Variants in RGS3 observed in about 807,000 individuals in gnomAD.
The protein encoded by RGS3 is regulator of G-protein signalling 3.
Under a neutral mutation model 132.6 loss-of-function variants are expected in RGS3, and 80 were observed. The ratio of observed to expected loss-of-function variants is 0.60; its 90% CI spans 0.50 to 0.73. The LOEUF is 0.73. RGS3 is among the 30% of genes least tolerant of loss of function. RGS3 has a pLI of 0.00. For missense variants in RGS3, 1,382 were observed against 1,530.8 expected (o/e 0.90, Z 1.62); for synonymous variants, 598 against 620.6 (o/e 0.96, Z 0.54).
intron 7 of RGS3, among the ~76,000 whole-genome samples, chr9:113,487,257 G>C (rs530662850): frequency 6.6e-6 from 1 of 151,158 alleles, no homozygotes; most frequent in East Asian, 1.9e-4. Context: ...GACTACAGGC[G>C]CCCGCCACCG....
chr9:113,580,871 G>A (rs755070877), intron 19 of RGS3: 9 of 985,530 alleles, frequency 9.1e-6, no homozygotes, highest in African/African-American at 1.7e-5. Context: ...GACAGGCCTG[G>A]GCCCCACCCT....
chr9:113,509,612 C>T (rs1160541125), intron 14 of RGS3, among the ~76,000 whole-genome samples: 2 of 152,224 alleles, frequency 1.3e-5, no homozygotes, highest in East Asian at 1.9e-4. Flanking sequence ...AGATCCTTCG[C>T]GTGCCTGCCA....
At chr9:113,576,596 C>T (rs952312644) in intron 19 of RGS3, among the ~76,000 whole-genome samples, 2 of 152,170 alleles carry the variant, frequency 1.3e-5, no homozygotes, top group Admixed American at 6.5e-5. Context: ...TCCCAAAGTG[C>T]TGGGATTACA....
At chr9:113,560,322 C>T (rs879543155) in intron 19 of RGS3, among the ~76,000 whole-genome samples, 2 of 152,174 alleles carry the variant, frequency 1.3e-5, no homozygotes, top group African/African-American at 2.4e-5. Flanking sequence ...GAACTTGAAC[C>T]TGAGGATACC....
rs1180315044 is a variant in RGS3 at position 113,484,153 on chromosome 9, GAAGATAGTAGACTA to G, written c.542_555del (p.Glu181AlafsTer29). 1 of 1,609,752 alleles carries G rather than the reference GAAGATAGTAGACTA, an allele frequency of 6.2e-7. No individual in the cohort carries two copies. On this transcript the variant is annotated frameshift_variant, in exon 6 of 25. Coordinates refer to ENST00000350696, the Ensembl canonical transcript of RGS3. LOFTEE classifies it high-confidence loss of function. ...CCAATTCAAGATTTCTTTGATCCCT[GAAGATAGTAGACTA>G]CGCCACCAGAAGACGCAGACCGTTC...
At position 113,537,944 on chromosome 9, in the gene RGS3, G is replaced by A. The variant is rs1046529601; in HGVS notation, c.2037+1026G>A. On this transcript the variant is annotated intron_variant, in intron 19 of 24. Coordinates refer to ENST00000350696, the Ensembl canonical transcript of RGS3. This position sits in a 1 kb window ranked among gnomAD's most constrained non-coding sequence, Gnocchi z 4.3. ...GAATTACATCATCTTAGCTGTGAAC[G>A]TTCTCTTGTTTTACACTAGCTAGTG... Among the ~76,000 whole-genome samples the A allele has an allele frequency of 5.9e-5, 9 of 152,180 alleles. No homozygotes were observed. The highest frequency in any genetic ancestry group is 1.4e-4 in the African/African-American group (6 of 41,434).
At chr9:113,544,536 C>G (rs1039321887) in intron 19 of RGS3, among the ~76,000 whole-genome samples, 1 of 152,176 alleles carries the variant, frequency 6.6e-6, no homozygotes, top group Non-Finnish European at 1.5e-5. Flanking sequence ...ACACATGGCA[C>G]CAAGGCACCA....
At chr9:113,563,411 C>T (rs1471682690) in intron 19 of RGS3, among the ~76,000 whole-genome samples, 2 of 152,256 alleles carry the variant, frequency 1.3e-5, no homozygotes, top group Non-Finnish European at 1.5e-5. Context: ...AGCTGAAGCT[C>T]GAGGGCACCT....
intron 14 of RGS3, among the ~76,000 whole-genome samples, chr9:113,512,503 C>CTT (rs1460837068): frequency 6.6e-6 from 1 of 151,736 alleles, no homozygotes; most frequent in African/African-American, 2.4e-5. Context: ...CGGGGGGAGT[C>CTT]AACTTGTTTT....
chr9:113,481,678 T>C (rs1048313336), intron 4 of RGS3, among the ~76,000 whole-genome samples: 1 of 152,250 alleles, frequency 6.6e-6, no homozygotes, highest in African/African-American at 2.4e-5. Context: ...TCCCCACTCC[T>C]TCCATTGGTT....
At chr9:113,488,537 C>T (rs762964489) in intron 7 of RGS3, among the ~76,000 whole-genome samples, 15 of 152,312 alleles carry the variant, frequency 9.8e-5, no homozygotes, top group Middle Eastern at 3.4e-3. Flanking sequence ...GGCATATGGA[C>T]GCCCAGAAAG....
chr9:113,584,291 C>G, exon 20 of RGS3: 1 of 1,610,244 alleles, frequency 6.2e-7, no homozygotes, highest in Non-Finnish European at 8.5e-7. Context: ...GCCTCCGACA[C>G]CACCTTGCAC....
At position 113,591,448 on chromosome 9, in the gene RGS3, A is replaced by G. The variant is rs1486935274; in HGVS notation, c.3080+51A>G. Reference sequence around the variant, plus strand: ...TGCGCTCCTCTTCCTCCCTTGCCCCAGGGCTTGTCTCTCCTCTAGGGGTCC... The same window carrying G: ...TGCGCTCCTCTTCCTCCCTTGCCCCGGGGCTTGTCTCTCCTCTAGGGGTCC... On this transcript the variant is annotated intron_variant, in intron 21 of 24. Coordinates refer to ENST00000350696, the Ensembl canonical transcript of RGS3. This position sits in a 1 kb window ranked among gnomAD's most constrained non-coding sequence, Gnocchi z 4.4. 6.5e-7 allele frequency: 1 copy of G among 1,529,996 alleles called. No homozygotes were observed. 94.8% of individuals were successfully genotyped at this position (1,529,996 alleles called of 1,614,324 possible).
At chr9:113,593,902 CACT>C (rs768032862) in intron 21 of RGS3, 2 of 1,587,928 alleles carry the variant, frequency 1.3e-6, no homozygotes, top group South Asian at 1.1e-5. Context: ...CACCCCCCAC[CACT>C]GTCTCCCTGC....
intron 1 of RGS3, among the ~76,000 whole-genome samples, chr9:113,460,695 T>C (rs760310857): frequency 8.5e-5 from 13 of 152,216 alleles, no homozygotes; most frequent in Non-Finnish European, 1.9e-4. Flanking sequence ...TTATATTATT[T>C]AACACCATTT....
chr9:113,481,562 G>A (rs1830159385), intron 4 of RGS3, among the ~76,000 whole-genome samples: 1 of 152,216 alleles, frequency 6.6e-6, no homozygotes, highest in Non-Finnish European at 1.5e-5. Context: ...CTCCAGCTGT[G>A]CAAACAGTTT....
chr9:113,483,667 C>T (rs1172234142), intron 5 of RGS3, among the ~76,000 whole-genome samples: 2 of 152,220 alleles, frequency 1.3e-5, no homozygotes, highest in Non-Finnish European at 2.9e-5. Context: ...AGCCTTCAGG[C>T]TGATCAGAAG....
At chr9:113,539,293 T>TC (rs1380811533) in intron 19 of RGS3, among the ~76,000 whole-genome samples, 1 of 152,130 alleles carries the variant, frequency 6.6e-6, no homozygotes, top group Non-Finnish European at 1.5e-5. Context: ...TGCTTGCTCT[T>TC]CAGGTATAAG....
chr9:113,456,774 A>G (rs776565456), upstream of RGS3, among the ~76,000 whole-genome samples: 1 of 152,022 alleles, frequency 6.6e-6, no homozygotes, highest in Non-Finnish European at 1.5e-5. Flanking sequence ...CAATCTCCTT[A>G]TAATAAAATA....
Sources: gnomAD v4.1 joint callset for allele counts (sites outside exome capture counted in the v4.1 genomes callset) on GRCh38, gnomAD v4.1.1 for gene constraint, Gnocchi (gnomAD v3.1) non-coding constraint, MANE v1.5 for transcripts, NCBI Gene and HGNC (gene_info 2026-07-23, HGNC 2026-07-21) for gene names.